The following PSME3IP1 variants were observed in gnomAD, a reference collection of about 807,000 sequenced individuals.
The protein encoded by PSME3IP1 is PSME3-interacting protein.
PSME3IP1 carries 13 observed loss-of-function variants against 34.1 expected under a neutral mutation model. That is an observed-to-expected ratio of 0.38 (90% CI 0.25 to 0.61). The LOEUF is 0.61. Among genes scored for constraint, PSME3IP1 ranks in the 20% least tolerant of loss-of-function variants. The probability of loss-of-function intolerance (pLI) is 0.60; values close to 1 mark genes in which losing one functional copy is unlikely to be tolerated. For synonymous variants in PSME3IP1, 93 were observed against 114.3 expected (o/e 0.81, Z 1.19); for missense variants, 237 against 301.4 (o/e 0.79, Z 1.58).
At chr16:57,177,383 C>T (rs1252509847) in intron 1 of PSME3IP1, among the ~76,000 whole-genome samples, 1 of 142,540 alleles carries the variant, frequency 7.0e-6, no homozygotes, top group African/African-American at 2.6e-5. Context: ...AACAGGGTTT[C>T]ACCATGTTGC....
At position 57,172,671 on chromosome 16, in the gene PSME3IP1, A is replaced by T; in HGVS notation, c.226+105T>A. The T allele has an allele frequency of 5.3e-6, 5 of 947,772 alleles. No individual in the cohort carries two copies. The East Asian group carries it at 1.2e-4, about 23-fold the overall frequency. 58.7% of individuals were successfully genotyped at this position (947,772 alleles called of 1,614,324 possible). A position where few individuals can be genotyped will look rare whatever the true frequency, so the allele number is the denominator to read the frequency against. ...CCAAATAAGCATCCGGAGACTCGAA[A>T]ATCAAGACAATTCCACGGCTAGTTA... On this transcript the variant is annotated intron_variant, in intron 3 of 6. Transcript: ENST00000309137.
intron 6 of PSME3IP1, among the ~76,000 whole-genome samples, chr16:57,161,336 G>C (rs550921514): frequency 6.6e-6 from 1 of 152,092 alleles, no homozygotes; most frequent in Non-Finnish European, 1.5e-5. Flanking sequence ...TGGAAGAAGA[G>C]AGTCCAGAAA....
intron 1 of PSME3IP1, among the ~76,000 whole-genome samples, chr16:57,178,253 G>A (rs1230095668): frequency 2.0e-5 from 3 of 152,154 alleles, no homozygotes; most frequent in African/African-American, 4.8e-5. Flanking sequence ...TTCACCCGAT[G>A]CAAACTGCTG....
At chr16:57,164,198 A>G in intron 5 of PSME3IP1, 133 bp from the exon 6 acceptor site, 2 of 700,984 alleles carry the variant, frequency 2.9e-6, no homozygotes, top group Non-Finnish European at 4.9e-6. Context: ...AAATGAATGA[A>G]AAGTATTCAT....
chr16:57,183,593 A>G (rs377119734), intron 1 of PSME3IP1, among the ~76,000 whole-genome samples: 1 of 152,212 alleles, frequency 6.6e-6, no homozygotes, highest in Non-Finnish European at 1.5e-5. Flanking sequence ...TCGACCTACC[A>G]AAGTGCTGGG....
At chr16:57,167,527 G>A (rs766115243) in intron 4 of PSME3IP1, among the ~76,000 whole-genome samples, 1 of 152,170 alleles carries the variant, frequency 6.6e-6, no homozygotes, top group East Asian at 1.9e-4. Flanking sequence ...CATGCTTGAT[G>A]AGGAAAACAG....
Position 57,172,234 on chromosome 16 carries a change from C to A in PSME3IP1, c.348+17G>T. The stretch of plus-strand genomic sequence containing the variant: ...AAATGGACACCTTACAGGTTTTCCT[C>A]CAAGTACAAAGGATATTCTGTATTC... On this transcript the variant is annotated intron_variant, in intron 4 of 6. Transcript: ENST00000309137. 6.2e-7 allele frequency: 1 copy of A among 1,611,680 alleles called. No homozygotes were observed. Among genetic ancestry groups the A allele is most frequent in the Non-Finnish European group, 8.5e-7 (1 of 1,179,742 alleles).
Position 57,154,023 on chromosome 16 carries a change from G to C in PSME3IP1, c.*267C>G. ...CTGGGGCATTTTTAGTGGAACTTCG[G>C]CTGGGCCTTGCCCTCCTCCCAATAT... On this transcript the variant is annotated 3_prime_UTR_variant, in exon 7 of 7. Coordinates refer to ENST00000309137, the MANE Select transcript of PSME3IP1 (RefSeq NM_024946.4). The surrounding 1 kb of genome is among the most constrained non-coding windows in gnomAD (Gnocchi z 4.0). 2.4e-6 allele frequency: 1 copy of C among 409,584 alleles called. No homozygotes were observed. Among genetic ancestry groups the C allele is most frequent in the Non-Finnish European group, 4.4e-6 (1 of 227,600 alleles). The allele number at this position is 409,584 out of a possible 1,614,324, so 25.4% of individuals were successfully genotyped here. A position where few individuals can be genotyped will look rare whatever the true frequency, so the allele number is the denominator to read the frequency against.
chr16:57,165,040 AAAAAGAAAAAG>A (rs201383718), intron 5 of PSME3IP1, among the ~76,000 whole-genome samples: 6,008 of 151,026 alleles, frequency 0.04, 120 homozygotes, highest in Middle Eastern at 0.097. Flanking sequence ...AAAAAAAAAG[AAAAAGAAAAAG>A]AAAAGAAAAA....
chr16:57,178,602 A>G, intron 1 of PSME3IP1: 1 of 985,298 alleles, frequency 1.0e-6, no homozygotes, highest in South Asian at 4.7e-5. Flanking sequence ...AGAGATTGGT[A>G]GCCATCAAGC....
At chr16:57,167,315 G>T in intron 4 of PSME3IP1, 89 bp from the exon 5 acceptor site, 1 of 1,435,216 alleles carries the variant, frequency 7.0e-7, no homozygotes, top group Non-Finnish European at 9.8e-7. Flanking sequence ...GTAATGTCTG[G>T]CCTACTTATT....
In PSME3IP1 at chr16:57,154,470, C is replaced by T. The variant is rs759216991; in HGVS notation, c.585G>A (p.Leu195=). The T allele has an allele frequency of 7.4e-6, 12 of 1,612,774 alleles. No individual in the cohort carries two copies. Among genetic ancestry groups the T allele is most frequent in the Admixed American group, 3.3e-5 (2 of 59,952 alleles). Residue 195 remains leucine (L), a synonymous_variant, in exon 7 of 7, where the codon CTG becomes CTA. Coordinates refer to ENST00000309137, the MANE Select transcript of PSME3IP1 (RefSeq NM_024946.4). The surrounding 1 kb of genome is among the most constrained non-coding windows in gnomAD (Gnocchi z 4.0). Reference sequence around the variant, plus strand: ...AGGGGCAGTGGATGGAGGGGCCACTCAGGGAGGTGTTTCCGAGAGACTTGC... The same window carrying T: ...AGGGGCAGTGGATGGAGGGGCCACTTAGGGAGGTGTTTCCGAGAGACTTGC... ...SSCKSLGNTS[L]SGPSIHCPSA... is the part of the protein sequence containing the mutation.
chr16:57,171,094 C>T (rs922420909), intron 4 of PSME3IP1, among the ~76,000 whole-genome samples: 1 of 151,884 alleles, frequency 6.6e-6, no homozygotes, highest in Non-Finnish European at 1.5e-5. Context: ...ATTGATATTA[C>T]CGACAGCAAT....
rs1386551604 is a variant in PSME3IP1 at position 57,153,768 on chromosome 16, AT to A, written c.*521del. Reference sequence around the variant, plus strand: ...TATCATCTTTACTTAGTCACACAACATCAAGGACTGGTTAGTTCCAGGGAAG... The same window carrying A: ...TATCATCTTTACTTAGTCACACAACACAAGGACTGGTTAGTTCCAGGGAAG... On this transcript the variant is annotated 3_prime_UTR_variant, in exon 7 of 7. Transcript: ENST00000309137. The A allele has an allele frequency of 1.9e-5, 3 of 154,778 alleles. No individual in the cohort carries two copies. The highest frequency in any genetic ancestry group is 7.2e-5 in the African/African-American group (3 of 41,452). 9.6% of individuals were successfully genotyped at this position (154,778 alleles called of 1,614,324 possible). A position where few individuals can be genotyped will look rare whatever the true frequency, so the allele number is the denominator to read the frequency against.
At chr16:57,174,279 G>A (rs1310681781) in intron 1 of PSME3IP1, 3 of 272,408 alleles carry the variant, frequency 1.1e-5, no homozygotes, top group African/African-American at 4.7e-5. Context: ...GAGCGACAGG[G>A]CAAGATTCTG....
At chr16:57,160,647 A>G (rs2071121249) in intron 6 of PSME3IP1, among the ~76,000 whole-genome samples, 1 of 152,242 alleles carries the variant, frequency 6.6e-6, no homozygotes. Context: ...TCAATTAAAA[A>G]GTAGGATAAA....
chr16:57,182,578 T>TAAAAAAAA (rs2073824978), intron 1 of PSME3IP1, among the ~76,000 whole-genome samples: 1 of 127,032 alleles, frequency 7.9e-6, no homozygotes, highest in African/African-American at 3.2e-5. Context: ...AAAAAAAAAC[T>TAAAAAAAA]TTGCATTACA....
At chr16:57,161,904 A>G (rs1375325418) in intron 6 of PSME3IP1, among the ~76,000 whole-genome samples, 1 of 151,960 alleles carries the variant, frequency 6.6e-6, no homozygotes, top group African/African-American at 2.4e-5. Flanking sequence ...TACTGTGATT[A>G]TTATTATTAT....
intron 6 of PSME3IP1, among the ~76,000 whole-genome samples, chr16:57,156,974 AG>A (rs2070606984): frequency 6.6e-6 from 1 of 152,230 alleles, no homozygotes; most frequent in African/African-American, 2.4e-5. Flanking sequence ...GTCCATTAAT[AG>A]ATGACTAGTT....
Sources: gnomAD v4.1 joint callset for allele counts (sites outside exome capture counted in the v4.1 genomes callset) on GRCh38, gnomAD v4.1.1 for gene constraint, Gnocchi (gnomAD v3.1) non-coding constraint, MANE v1.5 for transcripts, NCBI Gene and HGNC (gene_info 2026-07-23, HGNC 2026-07-21) for gene names.